Variants in HSP90AA1 observed in about 807,000 individuals in gnomAD.
The protein encoded by HSP90AA1 is heat shock protein 90 alpha family class A member 1.
In HSP90AA1, 18 loss-of-function variants were observed where a neutral mutation model predicts 73.3. The observed-to-expected ratio is 0.25, with a 90% CI of 0.17 to 0.36. HSP90AA1 has a LOEUF of 0.36. Among genes scored for constraint, HSP90AA1 ranks in the 10% least tolerant of loss-of-function variants. The pLI is 1.00. For synonymous variants in HSP90AA1, 477 were observed against 296.9 expected (o/e 1.61, Z -6.24); for missense variants, 704 against 874.2 (o/e 0.81, Z 2.45).
Position 102,083,697 on chromosome 14 carries a change from A to C in HSP90AA1, c.1339-4T>G, listed in dbSNP as rs1566718780. On this transcript the variant is annotated splice_region_variant and splice_polypyrimidine_tract_variant and intron_variant, in intron 7 of 10. Coordinates refer to ENST00000216281, the MANE Select transcript of HSP90AA1 (RefSeq NM_005348.4). ...GAGAGTCTTCGTGTATTCCAAGCTG[A>C]AACAAAGTATGTTCTTTACAAAGAC... 2 of 1,612,578 alleles carry C rather than the reference A, an allele frequency of 1.2e-6. No individual in the cohort carries two copies. Among genetic ancestry groups the C allele is most frequent in the Middle Eastern group, 1.6e-4 (1 of 6,062 alleles).
intron 2 of HSP90AA1, chr14:102,101,829 A>G (rs780922236): frequency 6.0e-6 from 9 of 1,488,862 alleles, no homozygotes; most frequent in East Asian, 2.3e-5. Flanking sequence ...GGTTAACATT[A>G]GCTAGAAATG....
chr14:102,124,287 G>C (rs903917797), intron 1 of HSP90AA1, among the ~76,000 whole-genome samples: 2 of 150,326 alleles, frequency 1.3e-5, no homozygotes, highest in Non-Finnish European at 3.0e-5. Flanking sequence ...TGCCTCCTGG[G>C]TTCAAGTGAT....
chr14:102,090,697 C>T (rs1040743562), upstream of HSP90AA1, among the ~76,000 whole-genome samples: 6 of 152,172 alleles, frequency 3.9e-5, no homozygotes, highest in African/African-American at 7.2e-5. Flanking sequence ...GTGATCCGCC[C>T]GCCTTGGCCT....
At chr14:102,094,414 G>A (rs1467355192) in intron 2 of HSP90AA1, among the ~76,000 whole-genome samples, 6 of 152,242 alleles carry the variant, frequency 3.9e-5, no homozygotes, top group Non-Finnish European at 8.8e-5. Flanking sequence ...GGTCGAGGCA[G>A]GCATAAAGCC....
chr14:102,114,730 C>T (rs567868942), intron 1 of HSP90AA1, among the ~76,000 whole-genome samples: 48 of 152,162 alleles, frequency 3.2e-4, no homozygotes, highest in South Asian at 8.3e-4. Context: ...AGGCCGGACC[C>T]GGTTGCTGAC....
At chr14:102,087,237 G>A (rs2049267197), upstream of HSP90AA1, 2 of 872,404 alleles carry the variant, frequency 2.3e-6, no homozygotes, top group East Asian at 1.2e-4. Context: ...CCTGCTCGTG[G>A]CCCGGCCCGG....
At chr14:102,132,354 A>C (rs1409333172) in intron 1 of HSP90AA1, among the ~76,000 whole-genome samples, 1 of 152,032 alleles carries the variant, frequency 6.6e-6, no homozygotes, top group Non-Finnish European at 1.5e-5. Context: ...CAAAAGAGCA[A>C]GACTCAGTCT....
chr14:102,137,456 G>A (rs1003268083), intron 1 of HSP90AA1, among the ~76,000 whole-genome samples: 5 of 151,624 alleles, frequency 3.3e-5, no homozygotes, highest in African/African-American at 1.2e-4. Flanking sequence ...CTCCCGAGCA[G>A]CTGGGATTAC....
At chr14:102,103,530 G>A (rs2049523402) in intron 1 of HSP90AA1, among the ~76,000 whole-genome samples, 2 of 151,928 alleles carry the variant, frequency 1.3e-5, no homozygotes, top group East Asian at 1.9e-4. Context: ...TCGGCTGGGT[G>A]TGGTGGCTCA....
At chr14:102,105,305 A>C (rs527897821) in intron 1 of HSP90AA1, among the ~76,000 whole-genome samples, 1 of 152,030 alleles carries the variant, frequency 6.6e-6, no homozygotes, top group South Asian at 2.1e-4. Flanking sequence ...TTCAAAGAAC[A>C]CCCAGTTCCT....
At chr14:102,108,934 G>A (rs563245171) in intron 1 of HSP90AA1, among the ~76,000 whole-genome samples, 17 of 152,140 alleles carry the variant, frequency 1.1e-4, no homozygotes, top group East Asian at 5.8e-4. Context: ...ACTTTAGCAG[G>A]GCTATGTGGA....
At chr14:102,118,595 G>T (rs1469318655) in intron 1 of HSP90AA1, among the ~76,000 whole-genome samples, 1 of 151,704 alleles carries the variant, frequency 6.6e-6, no homozygotes, top group African/African-American at 2.4e-5. Flanking sequence ...TGATTACCCA[G>T]CAATCCTAAT....
upstream of HSP90AA1, among the ~76,000 whole-genome samples, chr14:102,088,389 A>G (rs1462301730): frequency 6.6e-6 from 1 of 152,204 alleles, no homozygotes; most frequent in East Asian, 1.9e-4. Context: ...CTTGCCGTGT[A>G]AAGAAACGAT....
exon 1 of HSP90AA1, chr14:102,139,328 C>G: frequency 6.2e-7 from 1 of 1,613,564 alleles, no homozygotes; most frequent in Non-Finnish European, 8.5e-7. Flanking sequence ...GTATTCAGCA[C>G]TCTGGGCGGG....
intron 1 of HSP90AA1, among the ~76,000 whole-genome samples, chr14:102,102,510 T>C (rs2049507204): frequency 6.6e-6 from 1 of 152,172 alleles, no homozygotes; most frequent in Admixed American, 6.5e-5. Context: ...TCAAAGTTAG[T>C]GGCTAAGGGG....
chr14:102,126,550 G>A (rs917416626), intron 1 of HSP90AA1, among the ~76,000 whole-genome samples: 1 of 151,862 alleles, frequency 6.6e-6, no homozygotes, highest in Admixed American at 6.6e-5. Flanking sequence ...TTTTGAGACG[G>A]AGTCTCGCTC....
upstream of HSP90AA1, among the ~76,000 whole-genome samples, chr14:102,091,678 G>A (rs891436633): frequency 6.6e-6 from 1 of 151,912 alleles, no homozygotes; most frequent in Non-Finnish European, 1.5e-5. Flanking sequence ...CCAGGCTGGA[G>A]CACAGTGGCA....
intron 1 of HSP90AA1, among the ~76,000 whole-genome samples, chr14:102,104,817 G>T (rs897100916): frequency 2.0e-5 from 3 of 151,748 alleles, no homozygotes; most frequent in African/African-American, 7.3e-5. Context: ...ACATATGAGT[G>T]AGAACATGTT....
At chr14:102,091,402 CAATT>C (rs1327916153), upstream of HSP90AA1, among the ~76,000 whole-genome samples, 1 of 151,894 alleles carries the variant, frequency 6.6e-6, no homozygotes. Context: ...GCAGACCAAT[CAATT>C]GAGGTCAGAA....
Sources: gnomAD v4.1 joint callset for allele counts (sites outside exome capture counted in the v4.1 genomes callset) on GRCh38, gnomAD v4.1.1 for gene constraint, MANE v1.5 for transcripts, NCBI Gene and HGNC (gene_info 2026-07-23, HGNC 2026-07-21) for gene names.